Variants in TRPC4 observed in about 807,000 individuals in gnomAD.
TRPC4 encodes short transient receptor potential channel 4.
TRPC4 carries 49 observed loss-of-function variants against 99.4 expected under a neutral mutation model. That is an observed-to-expected ratio of 0.49 (90% CI 0.39 to 0.63). The LOEUF is 0.63. Ranked by LOEUF, TRPC4 falls within the 20% of genes least tolerant of loss-of-function variation. TRPC4 has a pLI of 0.00. For synonymous variants in TRPC4, 454 were observed against 425.9 expected, an observed-to-expected ratio of 1.07 and a Z score of -0.81; for missense variants, 898 against 1,152.9, an observed-to-expected ratio of 0.78 and a Z score of 3.20.
chr13:37,643,351 G>A (rs1249412060), intron 8 of TRPC4, among the ~76,000 whole-genome samples: 1 of 152,192 alleles, frequency 6.6e-6, no homozygotes, highest in African/African-American at 2.4e-5. Context: ...AAGGTGGATT[G>A]CCAAGATCAT....
At chr13:37,850,584 A>AT (rs1219296518) in intron 1 of TRPC4, among the ~76,000 whole-genome samples, 2 of 152,156 alleles carry the variant, frequency 1.3e-5, no homozygotes, top group Admixed American at 6.5e-5. Flanking sequence ...TAAGAATATA[A>AT]TTTTTTTCTT....
At chr13:37,773,679 G>T (rs1394829225) in intron 2 of TRPC4, among the ~76,000 whole-genome samples, 1 of 151,660 alleles carries the variant, frequency 6.6e-6, no homozygotes, top group Non-Finnish European at 1.5e-5. Context: ...TTACCACAAG[G>T]GTTGTTATGA....
intron 3 of TRPC4, among the ~76,000 whole-genome samples, chr13:37,714,465 C>T (rs920416875): frequency 1.3e-5 from 2 of 152,178 alleles, no homozygotes; most frequent in Non-Finnish European, 2.9e-5. Context: ...TTGCCCCACT[C>T]TATTCTAAAC....
chr13:37,781,762 AAG>A (rs1053796543), intron 2 of TRPC4, among the ~76,000 whole-genome samples: 3 of 152,204 alleles, frequency 2.0e-5, no homozygotes, highest in Admixed American at 2.0e-4. Flanking sequence ...GTCTTAGTTC[AAG>A]TAAGGGGAAG....
chr13:37,742,444 C>T (rs1227203825), intron 3 of TRPC4, among the ~76,000 whole-genome samples: 2 of 152,116 alleles, frequency 1.3e-5, no homozygotes, highest in African/African-American at 4.8e-5. Flanking sequence ...TCAGGGGCTA[C>T]AGTATGACTG....
chr13:37,827,784 C>T (rs1958282498), intron 1 of TRPC4, among the ~76,000 whole-genome samples: 1 of 152,226 alleles, frequency 6.6e-6, no homozygotes, highest in African/African-American at 2.4e-5. Flanking sequence ...CCTCCTTGAG[C>T]TGTGGTGGGC....
At chr13:37,711,627 GA>G (rs1692949840) in intron 3 of TRPC4, among the ~76,000 whole-genome samples, 1 of 151,792 alleles carries the variant, frequency 6.6e-6, no homozygotes, top group South Asian at 2.1e-4. Context: ...AGATATCTAA[GA>G]AAAAAATACA....
At chr13:37,855,334 G>GTATATATATATATATATATATATATA (rs1319645869) in intron 1 of TRPC4, among the ~76,000 whole-genome samples, 1 of 114,086 alleles carries the variant, frequency 8.8e-6, no homozygotes, top group Non-Finnish European at 1.8e-5. Flanking sequence ...TATATACAAT[G>GTATATATATATATATATATATATATA]TAGATATATA....
At chr13:37,762,520 T>G (rs1956249814) in intron 2 of TRPC4, among the ~76,000 whole-genome samples, 1 of 151,386 alleles carries the variant, frequency 6.6e-6, no homozygotes, top group Admixed American at 6.6e-5. Context: ...ATATACACCA[T>G]GGAATACTAT....
At chr13:37,710,763 T>G (rs1190488609) in intron 3 of TRPC4, among the ~76,000 whole-genome samples, 1 of 151,920 alleles carries the variant, frequency 6.6e-6, no homozygotes, top group Non-Finnish European at 1.5e-5. Context: ...GTATAAAATC[T>G]GTATGACTAG....
intron 3 of TRPC4, among the ~76,000 whole-genome samples, chr13:37,721,143 C>T (rs568113935): frequency 6.6e-6 from 1 of 152,252 alleles, no homozygotes; most frequent in African/African-American, 2.4e-5. Flanking sequence ...GCTGCATCTT[C>T]CCATTTTTCA....
chr13:37,792,862 G>A (rs1357172744), intron 1 of TRPC4, among the ~76,000 whole-genome samples: 2 of 152,040 alleles, frequency 1.3e-5, no homozygotes, highest in South Asian at 2.1e-4. Context: ...TAAAATCACT[G>A]ATACCAATTA....
chr13:37,727,317 G>A (rs1356209497), intron 3 of TRPC4, among the ~76,000 whole-genome samples: 3 of 151,686 alleles, frequency 2.0e-5, no homozygotes, highest in Admixed American at 6.6e-5. Flanking sequence ...ATTAAACAAC[G>A]TACTTTTAAC....
intron 1 of TRPC4, among the ~76,000 whole-genome samples, chr13:37,799,195 A>G (rs749818372): frequency 6.6e-6 from 1 of 152,050 alleles, no homozygotes; most frequent in Non-Finnish European, 1.5e-5. Context: ...TGGCCTCCCA[A>G]AGTGCTGGGA....
At chr13:37,741,707 G>A (rs752211446) in intron 3 of TRPC4, among the ~76,000 whole-genome samples, 3 of 152,086 alleles carry the variant, frequency 2.0e-5, no homozygotes, top group East Asian at 1.9e-4. Flanking sequence ...CATTACGGGC[G>A]AGCTGAGTCA....
At chr13:37,658,387 T>A (rs1284542082) in intron 6 of TRPC4, among the ~76,000 whole-genome samples, 2 of 152,204 alleles carry the variant, frequency 1.3e-5, no homozygotes, top group East Asian at 3.8e-4. Flanking sequence ...GTTTCCCTGA[T>A]TATATATTTA....
At chr13:37,683,820 C>T (rs2138827900) in intron 4 of TRPC4, among the ~76,000 whole-genome samples, 1 of 152,256 alleles carries the variant, frequency 6.6e-6, no homozygotes, top group South Asian at 2.1e-4. Context: ...ATTCCAGATC[C>T]TTCAAGCCAT....
intron 3 of TRPC4, among the ~76,000 whole-genome samples, chr13:37,698,494 C>T (rs1158169506): frequency 6.6e-6 from 1 of 151,930 alleles, no homozygotes; most frequent in Admixed American, 6.6e-5. Context: ...GGACAGTCTT[C>T]TAGTTTTTCT....
chr13:37,854,749 C>A (rs1185127557), intron 1 of TRPC4: 1 of 151,986 alleles, frequency 6.6e-6, no homozygotes, highest in Non-Finnish European at 1.5e-5. Flanking sequence ...AATCACACAA[C>A]AGATACCCTG....
Sources: gnomAD v4.1 joint callset for allele counts (sites outside exome capture counted in the v4.1 genomes callset) on GRCh38, gnomAD v4.1.1 for gene constraint, MANE v1.5 for transcripts, NCBI Gene and HGNC (gene_info 2026-07-23, HGNC 2026-07-21) for gene names.